The following KDM3B variants were observed in gnomAD, a reference collection of about 807,000 sequenced individuals.
The protein encoded by KDM3B is lysine demethylase 3B.
In KDM3B, 10 loss-of-function variants were observed where a neutral mutation model predicts 170.0. That is an observed-to-expected ratio of 0.06 (90% CI 0.04 to 0.10). The LOEUF (loss-of-function observed/expected upper bound fraction) is 0.10, where lower values mean the gene tolerates loss of function less well. Ranked by LOEUF, KDM3B falls within the 10% of genes least tolerant of loss-of-function variation. The pLI, the probability that KDM3B is intolerant of heterozygous loss-of-function variation, is 1.00. For synonymous variants in KDM3B, 831 were observed against 834.8 expected, an observed-to-expected ratio of 1.00 and a Z score of 0.08; for missense variants, 1,394 against 2,195.2, an observed-to-expected ratio of 0.64 and a Z score of 7.29.
At chr5:138,355,544 G>A (rs1343955324) in intron 1 of KDM3B, among the ~76,000 whole-genome samples, 4 of 152,222 alleles carry the variant, frequency 2.6e-5, no homozygotes, top group Non-Finnish European at 5.9e-5. Flanking sequence ...TTACTCAGAT[G>A]TTTAGCCAAG....
intron 1 of KDM3B, among the ~76,000 whole-genome samples, chr5:138,370,811 T>G (rs1025268748): frequency 6.9e-6 from 1 of 143,948 alleles, no homozygotes; most frequent in African/African-American, 2.5e-5. Flanking sequence ...TGTGAGTTTG[T>G]TTTTTTTTTT....
Position 138,424,055 on chromosome 5 carries a change from G to A in KDM3B, c.3973-20G>A, listed in dbSNP as rs1039006251. 19 of 1,522,492 alleles carry A rather than the reference G, an allele frequency of 1.2e-5. No homozygotes were observed. The highest frequency in any genetic ancestry group is 1.6e-5 in the Non-Finnish European group (18 of 1,133,824). The allele number at this position is 1,522,492 out of a possible 1,614,324, so 94.3% of individuals were successfully genotyped here. ...CATGGTGCCTCAGTCAAGCTTACCTGGTGGATTTGTGTCTGGCAGGGAGTG... is the reference window on the plus strand; with the variant it reads ...CATGGTGCCTCAGTCAAGCTTACCTAGTGGATTTGTGTCTGGCAGGGAGTG... On this transcript the variant is annotated intron_variant, in intron 15 of 23. Transcript: ENST00000314358.
At chr5:138,425,681 T>C (rs887660070) in intron 17 of KDM3B, 99 bp downstream of exon 17, 1 of 1,049,976 alleles carries the variant, frequency 9.5e-7, no homozygotes, top group Non-Finnish European at 1.4e-6. Context: ...TTCTGGGGCA[T>C]AATGGGACTT....
At chr5:138,421,006 A>G (rs1455824544) in intron 15 of KDM3B, 44 bp downstream of exon 15, 2 of 1,605,572 alleles carry the variant, frequency 1.2e-6, no homozygotes, top group Non-Finnish European at 1.7e-6. Context: ...TTTTCCATGA[A>G]AGAACCATCA....
intron 13 of KDM3B, 137 bp downstream of exon 13, chr5:138,417,747 A>G (rs1194727798): frequency 3.6e-6 from 3 of 843,428 alleles, no homozygotes; most frequent in Non-Finnish European, 5.6e-6. Context: ...CTTTCTAGAG[A>G]GAGCTTAAAT....
chr5:138,433,302 C>T (rs866510590), intron 23 of KDM3B, among the ~76,000 whole-genome samples: 20 of 151,236 alleles, frequency 1.3e-4, no homozygotes, highest in African/African-American at 4.6e-4. Context: ...TTAATAGAGA[C>T]GGGGTTTCAC....
chr5:138,375,542 T>G (rs1215562748), intron 3 of KDM3B, among the ~76,000 whole-genome samples: 2 of 151,788 alleles, frequency 1.3e-5, no homozygotes, highest in East Asian at 3.9e-4. Flanking sequence ...AAAGCCCGGC[T>G]TATTTTTTTG....
chr5:138,373,353 AC>A (rs1182249032), intron 2 of KDM3B, among the ~76,000 whole-genome samples: 5 of 152,226 alleles, frequency 3.3e-5, no homozygotes, highest in African/African-American at 4.8e-5. Context: ...AACAAAAAAA[AC>A]AACAATGAAA....
chr5:138,372,761 G>C lies in KDM3B; in HGVS notation c.280G>C (p.Gly94Arg). The C allele has an allele frequency of 1.9e-6, 3 of 1,614,106 alleles. No individual in the cohort carries two copies. The highest frequency in any genetic ancestry group is 2.5e-6 in the Non-Finnish European group (3 of 1,180,016). Residue 94 changes from glycine to arginine, a missense_variant, in exon 2 of 24, where the codon GGG (glycine) becomes CGG (arginine). Gly to Arg is a moderately radical substitution (Grantham distance 125, BLOSUM62 -2). Transcript: ENST00000314358. ...GGAAGTTATCGTGCTTCTGCTGGAA[G>C]GGTCTCTTGTATGGGCGCCCCGTGA... The part of the protein sequence containing the change: ...AEEVIVLLLE[G>R]SLVWAPREDP...
chr5:138,414,709 C>T (rs966608245), intron 11 of KDM3B, among the ~76,000 whole-genome samples: 2 of 152,286 alleles, frequency 1.3e-5, no homozygotes, highest in Middle Eastern at 3.4e-3. Context: ...AATCCCAGCA[C>T]TTTGGGAAGC....
intron 5 of KDM3B, among the ~76,000 whole-genome samples, chr5:138,380,365 ATATGCTC>A (rs974891358): frequency 2.7e-5 from 4 of 149,092 alleles, no homozygotes; most frequent in African/African-American, 9.8e-5. Flanking sequence ...TATATAATTT[ATATGCTC>A]TATAATTATA....
chr5:138,373,239 C>T (rs963427359), intron 2 of KDM3B, among the ~76,000 whole-genome samples: 11 of 151,862 alleles, frequency 7.2e-5, no homozygotes, highest in Middle Eastern at 3.4e-3. Flanking sequence ...ACTTGTGGGG[C>T]TGAGGTGGGA....
At chr5:138,434,996 T>C (rs1282984617) in intron 23 of KDM3B, among the ~76,000 whole-genome samples, 1 of 152,164 alleles carries the variant, frequency 6.6e-6, no homozygotes, top group Non-Finnish European at 1.5e-5. Context: ...AGAAATAACC[T>C]CAGTTTTCTT....
intron 22 of KDM3B, 130 bp from the exon 23 acceptor site, chr5:138,431,295 T>C (rs1434705400): frequency 2.7e-6 from 2 of 751,448 alleles, no homozygotes; most frequent in African/African-American, 3.6e-5. Context: ...ACAGCTTTTC[T>C]GTGTTGTTAT....
At position 138,430,445 on chromosome 5, in the gene KDM3B, TTGGGCTGAACAGTTCCA is replaced by T. The variant is rs1763501961; in HGVS notation, c.5070+27_5070+43del. On this transcript the variant is annotated intron_variant, in intron 22 of 23. Transcript: ENST00000314358. ...CACCAGGTGGGTTCCTGCTTGGGGG[TTGGGCTGAACAGTTCCA>T]TGGGCTTTCTTATTTCTGCTTTTCT... The T allele has an allele frequency of 1.2e-6, 2 of 1,611,390 alleles. No homozygotes were observed. The highest frequency in any genetic ancestry group is 1.3e-5 in the African/African-American group (1 of 74,862).
intron 7 of KDM3B, among the ~76,000 whole-genome samples, chr5:138,387,510 A>G (rs1238623838): frequency 6.6e-6 from 1 of 152,220 alleles, no homozygotes; most frequent in African/African-American, 2.4e-5. Context: ...AGGAGCTCAC[A>G]TCCTAAAACG....
Position 138,352,706 on chromosome 5 carries a change from C to T in KDM3B, c.-90C>T. ...GGGGGAACGGCGGCCGCGGGTGGTG[C>T]GGAGGGAGGCCTTGCGGGCGGATCG... On this transcript the variant is annotated 5_prime_UTR_variant, in exon 1 of 24. Coordinates refer to ENST00000314358, the MANE Select transcript of KDM3B (RefSeq NM_016604.4). The T allele has an allele frequency of 2.1e-6, 2 of 973,512 alleles. No homozygotes were observed. Among genetic ancestry groups the T allele is most frequent in the South Asian group, 5.1e-5 (1 of 19,702 alleles). 60.3% of individuals were successfully genotyped at this position (973,512 alleles called of 1,614,324 possible). A position where few individuals can be genotyped will look rare whatever the true frequency, so the allele number is the denominator to read the frequency against.
At position 138,381,649 on chromosome 5, in the gene KDM3B, G is replaced by A. The variant is rs1474522063; in HGVS notation, c.780+59G>A. On this transcript the variant is annotated intron_variant, in intron 6 of 23. Transcript: ENST00000314358. ...ATGAGCTTGCATTATCTTGCTGTGT[G>A]TAGATCCCTTATATATGTGTTTTCC... 3.8e-6 allele frequency: 4 copies of A among 1,055,934 alleles called. No individual in the cohort carries two copies. In the South Asian group the frequency reaches 3.9e-5, roughly 10 times the overall value. 65.4% of individuals were successfully genotyped at this position (1,055,934 alleles called of 1,614,324 possible). A position where few individuals can be genotyped will look rare whatever the true frequency, so the allele number is the denominator to read the frequency against.
At chr5:138,389,217 AAAAAG>A in intron 7 of KDM3B, among the ~76,000 whole-genome samples, 1 of 152,304 alleles carries the variant, frequency 6.6e-6, no homozygotes, top group East Asian at 1.9e-4. Flanking sequence ...AGATAAAAGA[AAAAAG>A]AAAAGGAGTT....
Sources: allele counts gnomAD v4.1 joint callset (sites outside exome capture counted in the v4.1 genomes callset), GRCh38; gene constraint gnomAD v4.1.1; transcripts MANE v1.5; gene names NCBI Gene and HGNC (gene_info 2026-07-23, HGNC 2026-07-21).